The following TEX11 variants were observed in gnomAD, a reference collection of about 807,000 sequenced individuals.
TEX11 encodes testis expressed 11, also known as testis-expressed protein 11.
Under a neutral mutation model 84.4 loss-of-function variants are expected in TEX11, and 7 were observed. That is an observed-to-expected ratio of 0.08 (90% confidence interval 0.05 to 0.16). The LOEUF is 0.16. TEX11 is among the 10% of genes least tolerant of loss of function. The pLI is 1.00. For synonymous variants in TEX11, 264 were observed against 222.8 expected (o/e 1.18, Z -1.64); for missense variants, 551 against 660.5 (o/e 0.83, Z 1.82).
At chrX:70,857,720 A>G (rs917189436) in intron 5 of TEX11, among the ~76,000 whole-genome samples, 5 of 112,143 alleles carry the variant, frequency 4.5e-5, no homozygotes, top group African/African-American at 1.6e-4. Flanking sequence ...AACAAAGTTC[A>G]GATAGCGAAT....
Position 70,722,557 on chromosome X carries a change from G to A in TEX11, c.1004+61C>T, listed in dbSNP as rs538394088. 7 of 945,638 alleles carry A rather than the reference G, an allele frequency of 7.4e-6. No individual in the cohort carries two copies. The South Asian group carries it at 1.3e-4, about 17-fold the overall frequency. The allele number at this position is 945,638 out of a possible 1,213,427, so 77.9% of individuals were successfully genotyped here. On this transcript the variant is annotated intron_variant, in intron 13 of 29. Coordinates refer to ENST00000374333, the MANE Select transcript of TEX11 (RefSeq NM_031276.3). ...CTCCAAGTGCTGGGATTCTAGGTGTGAGCCACTGGTGCCTAGCCAAAAACT... is the reference window on the plus strand; with the variant it reads ...CTCCAAGTGCTGGGATTCTAGGTGTAAGCCACTGGTGCCTAGCCAAAAACT...
intron 18 of TEX11, among the ~76,000 whole-genome samples, chrX:70,625,328 G>A (rs1047566771): frequency 9.1e-6 from 1 of 110,054 alleles, no homozygotes; most frequent in Non-Finnish European, 1.9e-5. Context: ...ATCTCTCCCC[G>A]ACTCCTCCAA....
intron 15 of TEX11, among the ~76,000 whole-genome samples, chrX:70,675,438 C>T (rs978420013): frequency 1.5e-4 from 17 of 111,429 alleles, no homozygotes; most frequent in African/African-American, 4.2e-4. Flanking sequence ...ACTCTGCAAC[C>T]AATCTCCAGA....
At chrX:70,903,143 A>AAATTTATTGAGATT (rs2091812093) in intron 2 of TEX11, among the ~76,000 whole-genome samples, 5 of 111,055 alleles carry the variant, frequency 4.5e-5, no homozygotes, top group East Asian at 3.0e-4. Flanking sequence ...TACCTCCTGA[A>AAATTTATTGAGATT]GGAACTGCCT....
chrX:70,563,375 A>G (rs1481273606), intron 25 of TEX11, among the ~76,000 whole-genome samples: 1 of 112,235 alleles, frequency 8.9e-6, no homozygotes, highest in Non-Finnish European at 1.9e-5. Context: ...TTTCTGAAAT[A>G]GTTGATCTGA....
intron 25 of TEX11, among the ~76,000 whole-genome samples, chrX:70,582,139 TAAG>T (rs1398049461): frequency 8.9e-6 from 1 of 112,082 alleles, no homozygotes; most frequent in African/African-American, 3.2e-5. Flanking sequence ...ATTTTAAAAA[TAAG>T]AAGATTGCTT....
chrX:70,734,210 G>A lies in TEX11; in HGVS notation c.843+6491C>T, dbSNP rs926638224. Among the ~76,000 whole-genome samples the A allele has an allele frequency of 5.5e-5, 6 of 110,028 alleles. 1 individual carries two copies. Among genetic ancestry groups the A allele is most frequent in the Admixed American group, 4.8e-4 (5 of 10,313 alleles). ...GGAGATATACCTAATGTTAAATGAC[G>A]AGTTAATGGGTGTAGCACACCAACA... On this transcript the variant is annotated intron_variant, in intron 11 of 29. Transcript: ENST00000374333.
intron 17 of TEX11, among the ~76,000 whole-genome samples, chrX:70,633,467 A>G (rs2089534010): frequency 8.9e-6 from 1 of 111,937 alleles, no homozygotes; most frequent in Non-Finnish European, 1.9e-5. Context: ...TCCCCCTAAA[A>G]TCAGGAAAAA....
chrX:70,717,965 A>T (rs1264093719), intron 13 of TEX11, among the ~76,000 whole-genome samples: 4 of 112,514 alleles, frequency 3.6e-5, no homozygotes, highest in South Asian at 7.3e-4. Context: ...TTTTCCTTTG[A>T]AATTGATTAC....
At chrX:70,666,917 A>T (rs2089980881) in intron 16 of TEX11, among the ~76,000 whole-genome samples, 1 of 111,700 alleles carries the variant, frequency 9.0e-6, no homozygotes, top group Non-Finnish European at 1.9e-5. Flanking sequence ...TCAACCATTC[A>T]TCCGCCTCTG....
chrX:70,906,655 C>T (rs903575492), intron 2 of TEX11, among the ~76,000 whole-genome samples: 2 of 110,238 alleles, frequency 1.8e-5, no homozygotes, highest in Non-Finnish European at 3.8e-5. Flanking sequence ...GGCATGGTGG[C>T]GCGGGCCTGT....
intron 25 of TEX11, among the ~76,000 whole-genome samples, chrX:70,564,333 T>C (rs1041523214): frequency 5.3e-5 from 6 of 112,403 alleles, no homozygotes; most frequent in African/African-American, 1.9e-4. Context: ...ATAAAATCCA[T>C]GTATTACTTT....
intron 24 of TEX11, among the ~76,000 whole-genome samples, chrX:70,596,171 T>A (rs1356255855): frequency 9.0e-6 from 1 of 111,669 alleles, no homozygotes; most frequent in East Asian, 2.8e-4. Flanking sequence ...AAGAAATAGA[T>A]ACTTCAACTT....
At chrX:70,725,433 T>G in intron 11 of TEX11, 90 bp from the exon 12 acceptor site, 1 of 547,004 alleles carries the variant, frequency 1.8e-6, no homozygotes, top group Non-Finnish European at 2.9e-6. Context: ...TCAACCACCT[T>G]GGGATAACTC....
chrX:70,605,102 T>A (rs1256574520), intron 24 of TEX11, among the ~76,000 whole-genome samples: 2 of 111,799 alleles, frequency 1.8e-5, no homozygotes, highest in Non-Finnish European at 3.8e-5. Flanking sequence ...TCCAAACGCG[T>A]ATATAATCAC....
intron 28 of TEX11, among the ~76,000 whole-genome samples, chrX:70,533,725 C>T (rs1017412520): frequency 2.7e-5 from 3 of 110,376 alleles, no homozygotes; most frequent in Non-Finnish European, 5.7e-5. Flanking sequence ...ATACCACATT[C>T]AAGATTTTGG....
chrX:70,644,364 CG>C (rs1398155661), intron 17 of TEX11, among the ~76,000 whole-genome samples: 5 of 95,032 alleles, frequency 5.3e-5, no homozygotes, highest in Non-Finnish European at 8.6e-5. Flanking sequence ...GTCAGTGTGG[CG>C]ATTCCTCAGG....
intron 20 of TEX11, among the ~76,000 whole-genome samples, chrX:70,616,238 C>G (rs2089316246): frequency 9.0e-6 from 1 of 111,277 alleles, no homozygotes; most frequent in Admixed American, 9.6e-5. Flanking sequence ...CTTTTCAAGA[C>G]ATAGACAGTA....
rs777461136 is a variant in TEX11, at chrX:70,843,213, A to C, written c.526-9620T>G. On this transcript the variant is annotated intron_variant, in intron 7 of 29. Transcript: ENST00000374333. ...AGAACAAAGCTGGAGGCATCATGCT[A>C]CCTGACTTCAAACTATACTACAAGG... Among the ~76,000 whole-genome samples the C allele has an allele frequency of 6.2e-3, 694 of 111,947 alleles. 2 individuals carry two copies. The highest frequency in any genetic ancestry group is 0.018 in the Middle Eastern group (4 of 217).
Sources: allele counts gnomAD v4.1 joint callset (sites outside exome capture counted in the v4.1 genomes callset), GRCh38; gene constraint gnomAD v4.1.1; transcripts MANE v1.5; gene names NCBI Gene and HGNC (gene_info 2026-07-23, HGNC 2026-07-21).